The following PRKAR1A variants were observed in gnomAD, a reference collection of about 807,000 sequenced individuals.
The protein encoded by PRKAR1A is cAMP-dependent protein kinase type I-alpha regulatory subunit.
In PRKAR1A, 3 loss-of-function variants were observed where a neutral mutation model predicts 52.0. The ratio of observed to expected loss-of-function variants is 0.06; its 90% CI spans 0.03 to 0.15. The LOEUF (loss-of-function observed/expected upper bound fraction) is 0.15. Among genes scored for constraint, PRKAR1A ranks in the 10% least tolerant of loss-of-function variants. PRKAR1A has a pLI of 1.00. For synonymous variants in PRKAR1A, 188 were observed against 168.4 expected, an observed-to-expected ratio of 1.12 and a Z score of -0.90; for missense variants, 240 against 477.4, an observed-to-expected ratio of 0.50 and a Z score of 4.63.
At chr17:68,528,625 G>T in intron 8 of PRKAR1A, 1 of 539,490 alleles carries the variant, frequency 1.9e-6, no homozygotes, top group Non-Finnish European at 3.3e-6. Flanking sequence ...TTGCCATTTG[G>T]TACAGTTGGT....
chr17:68,483,912 T>A, the PRKAR1A span, among the ~76,000 whole-genome samples: 9 of 152,036 alleles, frequency 5.9e-5, no homozygotes, highest in South Asian at 1.9e-3. Flanking sequence ...CATATATGTG[T>A]GTGTTTGTTT....
chr17:68,477,697 GT>G, the PRKAR1A span, among the ~76,000 whole-genome samples: 10 of 147,010 alleles, frequency 6.8e-5, no homozygotes, highest in Admixed American at 2.7e-4. Context: ...TTTTATTCTT[GT>G]TTTTTTTTTT....
the PRKAR1A span, among the ~76,000 whole-genome samples, chr17:68,430,585 CTGAG>C: frequency 1.3e-5 from 2 of 152,168 alleles, no homozygotes; most frequent in East Asian, 1.9e-4. Context: ...CTGAGCCAGA[CTGAG>C]TGGGTAGCAA....
In PRKAR1A at chr17:68,543,804, G is replaced by T. The variant is rs752189492; in HGVS notation, c.974-7280G>T. ...GAGAGCTGATGAGCATGACCAGCGAGAAAGGAAAACGGGCTTTTATGCTTT... is the reference window on the plus strand; with the variant it reads ...GAGAGCTGATGAGCATGACCAGCGATAAAGGAAAACGGGCTTTTATGCTTT... On this transcript the variant is annotated intron_variant, in intron 11 of 11. Transcript: ENST00000585981. 8 of 1,235,862 alleles carry T rather than the reference G, an allele frequency of 6.5e-6. No individual in the cohort carries two copies. In the Admixed American group the frequency reaches 1.4e-4, roughly 21 times the overall value. The allele number at this position is 1,235,862 out of a possible 1,614,324, so 76.6% of individuals were successfully genotyped here.
the PRKAR1A span, among the ~76,000 whole-genome samples, chr17:68,465,381 T>G: frequency 6.6e-6 from 1 of 152,158 alleles, no homozygotes; most frequent in African/African-American, 2.4e-5. Flanking sequence ...TGGACTTTCT[T>G]GGGCAATGCA....
downstream of PRKAR1A, chr17:68,537,470 C>G: frequency 1.2e-6 from 2 of 1,614,038 alleles, no homozygotes; most frequent in Non-Finnish European, 1.7e-6. The surrounding 1 kb of genome is among the most constrained non-coding windows in gnomAD (Gnocchi z 4.2). Context: ...CTGGACTCTG[C>G]CAGCCCTTAG....
chr17:68,549,559 A>G (rs148639238), intron 11 of PRKAR1A, among the ~76,000 whole-genome samples: 15 of 151,846 alleles, frequency 9.9e-5, no homozygotes, highest in Non-Finnish European at 1.9e-4. Context: ...GGAGAACAGA[A>G]TCTATGGACC....
chr17:68,494,980 C>G, the PRKAR1A span, among the ~76,000 whole-genome samples: 1 of 152,196 alleles, frequency 6.6e-6, no homozygotes, highest in Non-Finnish European at 1.5e-5. Context: ...CTTAGCAGGG[C>G]TAAGATCCTC....
chr17:68,510,246 G>A (rs995865865), upstream of PRKAR1A, among the ~76,000 whole-genome samples: 1 of 149,844 alleles, frequency 6.7e-6, no homozygotes, highest in African/African-American at 2.4e-5. Flanking sequence ...CTGGGTTTAA[G>A]CCATGTTAGC....
chr17:68,475,194 T>TA, the PRKAR1A span, among the ~76,000 whole-genome samples: 229 of 152,198 alleles, frequency 1.5e-3, no homozygotes, highest in Non-Finnish European at 2.7e-3. Context: ...CTTAACCTAA[T>TA]AAAAAAAATC....
chr17:68,453,479 CTTTTTTT>C, the PRKAR1A span, among the ~76,000 whole-genome samples: 4 of 136,200 alleles, frequency 2.9e-5, no homozygotes, highest in African/African-American at 8.2e-5. Flanking sequence ...TTTTCTTTTC[CTTTTTTT>C]TTTTTTTTTT....
At chr17:68,483,797 G>T in the PRKAR1A span, among the ~76,000 whole-genome samples, 1 of 151,514 alleles carries the variant, frequency 6.6e-6, no homozygotes, top group Non-Finnish European at 1.5e-5. Context: ...GGAGGTGGAG[G>T]TTGCGGTGAG....
intron 2 of PRKAR1A, 35 bp from the exon 3 acceptor site, chr17:68,522,721 A>G: frequency 6.2e-7 from 1 of 1,612,270 alleles, no homozygotes; most frequent in Non-Finnish European, 8.5e-7. Context: ...TACATGCCGA[A>G]GGATCTCATT....
chr17:68,528,333 A>G (rs899306980), intron 8 of PRKAR1A, among the ~76,000 whole-genome samples: 3 of 152,192 alleles, frequency 2.0e-5, no homozygotes, highest in African/African-American at 4.8e-5. Context: ...GGCTTCTGCC[A>G]TTGTTTATTA....
chr17:68,543,808 G>A, intron 11 of PRKAR1A: 1 of 1,171,790 alleles, frequency 8.5e-7, no homozygotes, highest in Non-Finnish European at 1.3e-6. Context: ...CAGCGAGAAA[G>A]GAAAACGGGC....
downstream of PRKAR1A, chr17:68,537,562 A>G (rs551965708): frequency 9.3e-6 from 15 of 1,613,352 alleles, no homozygotes; most frequent in Non-Finnish European, 1.3e-5. The surrounding 1 kb of genome is among the most constrained non-coding windows in gnomAD (Gnocchi z 4.2). Context: ...TCCATGGGCC[A>G]CTATGCACCC....
the PRKAR1A span, among the ~76,000 whole-genome samples, chr17:68,478,581 GT>G: frequency 6.6e-6 from 1 of 151,564 alleles, no homozygotes; most frequent in Non-Finnish European, 1.5e-5. Context: ...TCTGATTATT[GT>G]TCTTTTGTTA....
the PRKAR1A span, among the ~76,000 whole-genome samples, chr17:68,451,961 C>T: frequency 6.6e-6 from 1 of 152,126 alleles, no homozygotes; most frequent in Admixed American, 6.5e-5. Context: ...GCAAAAAATT[C>T]ACAAAAATGG....
chr17:68,420,384 G>A, the PRKAR1A span: 1 of 1,614,156 alleles, frequency 6.2e-7, no homozygotes, highest in Non-Finnish European at 8.5e-7. Flanking sequence ...AACATCTCCA[G>A]CGCAGATTAC....
Sources: allele counts gnomAD v4.1 joint callset (sites outside exome capture counted in the v4.1 genomes callset), GRCh38; gene constraint gnomAD v4.1.1; non-coding constraint Gnocchi (gnomAD v3.1); transcripts MANE v1.5; gene names NCBI Gene and HGNC (gene_info 2026-07-23, HGNC 2026-07-21).